The following RXFP1 variants were observed in gnomAD, a reference collection of about 807,000 sequenced individuals.
The protein encoded by RXFP1 is relaxin family peptide receptor 1.
In RXFP1, 73 loss-of-function variants were observed where a neutral mutation model predicts 89.8. The ratio of observed to expected loss-of-function variants is 0.81; its 90% CI spans 0.67 to 0.99. The LOEUF (loss-of-function observed/expected upper bound fraction) is 0.99. RXFP1 is among the 50% of genes least tolerant of loss of function. The pLI is 0.00. For synonymous variants in RXFP1, 277 were observed against 305.5 expected (o/e 0.91, Z 0.97); for missense variants, 793 against 895.5 (o/e 0.89, Z 1.46).
chr4:158,633,263 T>A, intron 11 of RXFP1, 142 bp from the exon 12 acceptor site: 1 of 570,378 alleles, frequency 1.8e-6, no homozygotes, highest in East Asian at 3.2e-5. Flanking sequence ...TTGCTCCTTT[T>A]TTAAATTTTT....
intron 12 of RXFP1, among the ~76,000 whole-genome samples, chr4:158,634,146 A>G (rs997622139): frequency 4.6e-5 from 7 of 152,166 alleles, no homozygotes; most frequent in Non-Finnish European, 8.8e-5. Context: ...CTAGTAGTAT[A>G]CTAGGGTTTC....
At chr4:158,630,979 C>T (rs1056882560) in intron 11 of RXFP1, among the ~76,000 whole-genome samples, 1 of 152,188 alleles carries the variant, frequency 6.6e-6, no homozygotes, top group Admixed American at 6.5e-5. Context: ...CTTTTAAAGT[C>T]AACTACTCTA....
In RXFP1 at chr4:158,651,769, C is replaced by T; in HGVS notation, c.1988C>T (p.Ser663Phe). 1 of 1,610,270 alleles carries T rather than the reference C, an allele frequency of 6.2e-7. No individual in the cohort carries two copies. The highest frequency in any genetic ancestry group is 8.5e-7 in the Non-Finnish European group (1 of 1,178,102). Reference protein sequence around the residue: ...LQVEIPGTITSWVVIFILPIN... With the variant: ...LQVEIPGTITFWVVIFILPIN... ...TTTTCTTTTTTAGGTACCATAACCT[C>T]TTGGGTAGTGATTTTTATTCTGCCC... Residue 663 changes from serine (S) to phenylalanine (F), a missense_variant, in exon 18 of 18, where the codon TCT (serine) becomes TTT (phenylalanine). Coordinates refer to ENST00000307765, the MANE Select transcript of RXFP1 (RefSeq NM_021634.4).
chr4:158,635,944 C>T (rs889874664), intron 12 of RXFP1, among the ~76,000 whole-genome samples: 12 of 152,074 alleles, frequency 7.9e-5, no homozygotes, highest in Non-Finnish European at 4.4e-5. Flanking sequence ...TCTCTCACCT[C>T]GGCCTCCCAA....
chr4:158,544,637 C>T lies in RXFP1; in HGVS notation c.49+22612C>T, dbSNP rs796216024. Among the ~76,000 whole-genome samples, 5 of 151,862 alleles carry T rather than the reference C, an allele frequency of 3.3e-5. No individual in the cohort carries two copies. The South Asian group carries it at 1.0e-3, about 32-fold the overall frequency. On this transcript the variant is annotated intron_variant, in intron 1 of 17. Coordinates refer to ENST00000307765, the MANE Select transcript of RXFP1 (RefSeq NM_021634.4). Reference sequence around the variant, plus strand: ...AACAGTCCCTGGAGTGTGATGTTCCCCTTCCTGTGTCCAAGTGTTCTTATT... The same window carrying T: ...AACAGTCCCTGGAGTGTGATGTTCCTCTTCCTGTGTCCAAGTGTTCTTATT...
At chr4:158,567,520 C>G (rs1323874073) in intron 1 of RXFP1, among the ~76,000 whole-genome samples, 1 of 152,150 alleles carries the variant, frequency 6.6e-6, no homozygotes, top group East Asian at 1.9e-4. Flanking sequence ...CACTCCATAT[C>G]TAGTTAATCT....
At position 158,580,529 on chromosome 4, in the gene RXFP1, TAG is replaced by T. The variant is rs1446594588; in HGVS notation, c.187+7699_187+7700del. 1.3e-5 allele frequency among the ~76,000 whole-genome samples: 2 copies of T among 152,182 alleles called. 1 individual carries two copies. On this transcript the variant is annotated intron_variant, in intron 2 of 17. Transcript: ENST00000307765. Reference sequence around the variant, plus strand: ...AGTTGCGGCAACAAACAACAGTAAGTAGAGAGTCACCTTTACCATGTAGCAAA... The same window carrying T: ...AGTTGCGGCAACAAACAACAGTAAGTAGAGTCACCTTTACCATGTAGCAAA...
chr4:158,581,690 G>A (rs1214151393), intron 2 of RXFP1, among the ~76,000 whole-genome samples: 1 of 152,174 alleles, frequency 6.6e-6, no homozygotes, highest in Non-Finnish European at 1.5e-5. Flanking sequence ...AGGAGAAAGG[G>A]ACTGTTTTTG....
chr4:158,589,054 T>A (rs1487919852), intron 2 of RXFP1, among the ~76,000 whole-genome samples: 1 of 152,178 alleles, frequency 6.6e-6, no homozygotes, highest in Non-Finnish European at 1.5e-5. Context: ...TTGGGAGGAC[T>A]CAGGAAACTT....
intron 2 of RXFP1, among the ~76,000 whole-genome samples, chr4:158,576,428 A>T (rs1314975929): frequency 6.6e-6 from 1 of 151,730 alleles, no homozygotes; most frequent in Non-Finnish European, 1.5e-5. Flanking sequence ...TAATTATTTT[A>T]AAATATTTAT....
In RXFP1 at chr4:158,653,103, A is replaced by G. The variant is rs550023663; in HGVS notation, c.*1048A>G. 1.2e-4 allele frequency: 18 copies of G among 152,364 alleles called. No homozygotes were observed. Among genetic ancestry groups the G allele is most frequent in the African/African-American group, 4.1e-4 (17 of 41,586 alleles). The allele number at this position is 152,364 out of a possible 1,614,324, so 9.4% of individuals were successfully genotyped here. A position where few individuals can be genotyped will look rare whatever the true frequency, so the allele number is the denominator to read the frequency against. ...TTAAGCAGAAAATCTTTCTTCAAGA[A>G]ATGACTTTACTTTCTCTTTGCACTG... On this transcript the variant is annotated 3_prime_UTR_variant, in exon 18 of 18. Coordinates refer to ENST00000307765, the MANE Select transcript of RXFP1 (RefSeq NM_021634.4).
At chr4:158,599,267 T>C in intron 3 of RXFP1, 59 bp from the exon 4 acceptor site, 1 of 1,610,636 alleles carries the variant, frequency 6.2e-7, no homozygotes, top group South Asian at 1.1e-5. Context: ...TTCTTTTCAT[T>C]ACCCTCCTCT....
At chr4:158,627,025 A>T (rs1181074855) in intron 10 of RXFP1, 134 bp downstream of exon 10, 2 of 461,124 alleles carry the variant, frequency 4.3e-6, no homozygotes, top group African/African-American at 4.1e-5. Context: ...GAGAAACACT[A>T]AATTGAAGTC....
At chr4:158,582,115 A>T (rs527707434) in intron 2 of RXFP1, among the ~76,000 whole-genome samples, 1 of 152,298 alleles carries the variant, frequency 6.6e-6, no homozygotes, top group South Asian at 2.1e-4. Flanking sequence ...CCCACCTCCC[A>T]ATACTCCTAA....
intron 2 of RXFP1, among the ~76,000 whole-genome samples, chr4:158,580,145 T>C (rs1233176682): frequency 2.0e-5 from 3 of 152,034 alleles, no homozygotes; most frequent in Non-Finnish European, 4.4e-5. Context: ...ATGTGCTGGT[T>C]TGAATAATTT....
intron 9 of RXFP1, among the ~76,000 whole-genome samples, chr4:158,626,108 CTATATAGA>C (rs761772704): frequency 0.046 from 5,100 of 110,534 alleles, 354 homozygotes; most frequent in African/African-American, 0.18. Flanking sequence ...ATTTAGATAT[CTATATAGA>C]TAGATAGATA....
At chr4:158,634,133 C>T (rs1189872289) in intron 12 of RXFP1, among the ~76,000 whole-genome samples, 1 of 152,166 alleles carries the variant, frequency 6.6e-6, no homozygotes, top group Non-Finnish European at 1.5e-5. Flanking sequence ...TTTTACATTT[C>T]CGCTAGTAGT....
intron 1 of RXFP1, among the ~76,000 whole-genome samples, chr4:158,541,736 A>T (rs1746686760): frequency 6.6e-6 from 1 of 152,022 alleles, no homozygotes; most frequent in Non-Finnish European, 1.5e-5. Flanking sequence ...CGACATTATG[A>T]CCCTTCGCAA....
At chr4:158,626,976 C>T in intron 10 of RXFP1, 85 bp downstream of exon 10, 1 of 611,876 alleles carries the variant, frequency 1.6e-6, no homozygotes, top group Non-Finnish European at 2.6e-6. Context: ...GAAAAAAAAT[C>T]CCAAAGAACA....
Sources: allele counts gnomAD v4.1 joint callset (sites outside exome capture counted in the v4.1 genomes callset), GRCh38; gene constraint gnomAD v4.1.1; transcripts MANE v1.5; gene names NCBI Gene and HGNC (gene_info 2026-07-23, HGNC 2026-07-21).